Variants in LDAH observed in about 807,000 individuals in gnomAD.
LDAH encodes lipid droplet associated hydrolase, also known as lipid droplet-associated hydrolase.
A neutral mutation model predicts 29.6 loss-of-function variants in LDAH; 26 were observed. The observed-to-expected ratio is 0.88, with a 90% CI of 0.64 to 1.22. LDAH has a LOEUF of 1.22. Among genes scored for constraint, LDAH ranks in the 50% most tolerant of loss-of-function variants. LDAH has a pLI of 0.00. For synonymous variants in LDAH, 117 were observed against 133.0 expected, an observed-to-expected ratio of 0.88 and a Z score of 0.83; for missense variants, 344 against 387.3, an observed-to-expected ratio of 0.89 and a Z score of 0.94.
chr2:20,735,821 G>C (rs1386701795), intron 5 of LDAH, among the ~76,000 whole-genome samples: 1 of 152,104 alleles, frequency 6.6e-6, no homozygotes, highest in Non-Finnish European at 1.5e-5. Flanking sequence ...TGCTGGGTAG[G>C]GGAAGGAATT....
At chr2:20,702,510 T>G (rs903762159) in intron 5 of LDAH, among the ~76,000 whole-genome samples, 15 of 152,222 alleles carry the variant, frequency 9.9e-5, no homozygotes, top group Non-Finnish European at 7.3e-5. Context: ...CTATTTGGTC[T>G]GACGCCAGTC....
intron 6 of LDAH, among the ~76,000 whole-genome samples, chr2:20,690,819 A>C (rs907997655): frequency 4.6e-5 from 7 of 152,178 alleles, no homozygotes; most frequent in Non-Finnish European, 5.9e-5. Flanking sequence ...CACCATGATG[A>C]ACCAATGGGC....
chr2:20,762,064 T>G (rs1038119305), intron 4 of LDAH, among the ~76,000 whole-genome samples: 1 of 152,116 alleles, frequency 6.6e-6, no homozygotes, highest in Non-Finnish European at 1.5e-5. Flanking sequence ...ACATTCTCTA[T>G]GTATTCTGAC....
chr2:20,722,305 G>A (rs538896143), intron 5 of LDAH, among the ~76,000 whole-genome samples: 7 of 150,412 alleles, frequency 4.7e-5, no homozygotes, highest in East Asian at 2.0e-4. Context: ...GCTTAAACCC[G>A]GGAGGCAGAG....
intron 4 of LDAH, among the ~76,000 whole-genome samples, chr2:20,768,672 AC>A (rs1194681917): frequency 6.6e-6 from 1 of 152,196 alleles, no homozygotes; most frequent in Non-Finnish European, 1.5e-5. Context: ...GATTCCGCCA[AC>A]CACAGGTTTC....
chr2:20,800,937 T>A (rs1365719279), intron 2 of LDAH, among the ~76,000 whole-genome samples: 1 of 152,196 alleles, frequency 6.6e-6, no homozygotes, highest in Non-Finnish European at 1.5e-5. Flanking sequence ...TGGCCAAATA[T>A]TCTATAATAA....
intron 6 of LDAH, among the ~76,000 whole-genome samples, chr2:20,694,260 G>A (rs1663256531): frequency 6.6e-6 from 1 of 152,184 alleles, no homozygotes; most frequent in Non-Finnish European, 1.5e-5. Context: ...TTTCTGGGGA[G>A]AGTCCAGACA....
At chr2:20,727,175 G>T (rs1666078064) in intron 5 of LDAH, among the ~76,000 whole-genome samples, 1 of 152,254 alleles carries the variant, frequency 6.6e-6, no homozygotes. Context: ...CCTGGAGTTT[G>T]AGACTAGCTT....
intron 2 of LDAH, among the ~76,000 whole-genome samples, chr2:20,796,039 C>A (rs969296684): frequency 2.6e-5 from 4 of 151,518 alleles, no homozygotes; most frequent in African/African-American, 9.7e-5. Context: ...TAAAAGAACA[C>A]TAGGAAATGA....
chr2:20,715,352 A>C (rs556645578), intron 5 of LDAH, among the ~76,000 whole-genome samples: 39 of 152,324 alleles, frequency 2.6e-4, no homozygotes, highest in African/African-American at 9.1e-4. Flanking sequence ...AAAAACTCTC[A>C]ATAAACTAGG....
chr2:20,753,166 T>C (rs183963594), intron 4 of LDAH, among the ~76,000 whole-genome samples: 31 of 152,362 alleles, frequency 2.0e-4, no homozygotes, highest in Non-Finnish European at 2.2e-4. Flanking sequence ...TGTCTGCTAC[T>C]TCTCTGTGAC....
intron 5 of LDAH, among the ~76,000 whole-genome samples, chr2:20,724,076 C>T (rs550645784): frequency 6.6e-6 from 1 of 152,284 alleles, no homozygotes; most frequent in South Asian, 2.1e-4. Context: ...ACCAATAGGG[C>T]ATTCATCTCA....
At chr2:20,757,552 T>C (rs561384113) in intron 4 of LDAH, among the ~76,000 whole-genome samples, 11 of 152,170 alleles carry the variant, frequency 7.2e-5, no homozygotes, top group Admixed American at 1.3e-4. Context: ...TGCCAAGCTG[T>C]GATGGTCAAT....
intron 5 of LDAH, among the ~76,000 whole-genome samples, chr2:20,711,578 C>T (rs912424773): frequency 3.9e-5 from 6 of 152,082 alleles, no homozygotes; most frequent in South Asian, 2.1e-4. Flanking sequence ...CAAAGCAGGG[C>T]GGGGCATCGC....
chr2:20,810,878 T>A (rs1436232893), intron 1 of LDAH, among the ~76,000 whole-genome samples: 1 of 152,180 alleles, frequency 6.6e-6, no homozygotes, highest in East Asian at 1.9e-4. Context: ...CTAGGTTGTA[T>A]GCTCCCTATG....
chr2:20,783,850 C>A (rs536964216), intron 3 of LDAH, among the ~76,000 whole-genome samples: 2 of 152,104 alleles, frequency 1.3e-5, no homozygotes, highest in Non-Finnish European at 2.9e-5. Flanking sequence ...TAGGCTGAAC[C>A]ACAGGTGCGT....
At chr2:20,770,941 T>C (rs1430919495) in intron 4 of LDAH, among the ~76,000 whole-genome samples, 1 of 152,246 alleles carries the variant, frequency 6.6e-6, no homozygotes, top group Non-Finnish European at 1.5e-5. Flanking sequence ...ATCTCAGTTC[T>C]AAGATTCTAT....
At chr2:20,682,532 G>A (rs939452705), downstream of LDAH, among the ~76,000 whole-genome samples, 1 of 152,162 alleles carries the variant, frequency 6.6e-6, no homozygotes, top group Non-Finnish European at 1.5e-5. Flanking sequence ...TCTGGAGGCT[G>A]GAAAGTCCAA....
intron 5 of LDAH, among the ~76,000 whole-genome samples, chr2:20,709,721 T>C (rs1227841020): frequency 6.6e-6 from 1 of 152,126 alleles, no homozygotes; most frequent in Non-Finnish European, 1.5e-5. Flanking sequence ...ATATTATTCA[T>C]AATAGTCAAA....
Sources: gnomAD v4.1 joint callset for allele counts (sites outside exome capture counted in the v4.1 genomes callset) on GRCh38, gnomAD v4.1.1 for gene constraint, MANE v1.5 for transcripts, NCBI Gene and HGNC (gene_info 2026-07-23, HGNC 2026-07-21) for gene names.